Variants in AGMO observed in about 807,000 individuals in gnomAD.
AGMO encodes alkylglycerol monooxygenase.
In AGMO, 75 loss-of-function variants were observed where a neutral mutation model predicts 60.2. The ratio of observed to expected loss-of-function variants is 1.25; its 90% CI spans 1.03 to 1.51. The LOEUF (loss-of-function observed/expected upper bound fraction) is 1.51. Ranked by LOEUF, AGMO falls within the 40% of genes most tolerant of loss-of-function variation. The pLI is 0.00. For missense variants in AGMO, 763 were observed against 525.5 expected, an observed-to-expected ratio of 1.45 and a Z score of -4.42; for synonymous variants, 261 against 177.1, an observed-to-expected ratio of 1.47 and a Z score of -3.76.
intron 3 of AGMO, among the ~76,000 whole-genome samples, chr7:15,451,645 TAACTC>T (rs912157879): frequency 6.6e-6 from 1 of 152,110 alleles, no homozygotes; most frequent in African/African-American, 2.4e-5. Flanking sequence ...ACACAAAAAT[TAACTC>T]AAAATGGGTT....
chr7:15,476,507 G>GT (rs1349506153), intron 3 of AGMO, among the ~76,000 whole-genome samples: 1 of 152,082 alleles, frequency 6.6e-6, no homozygotes, highest in Non-Finnish European at 1.5e-5. Flanking sequence ...ATGGCACGAA[G>GT]TAAGTTATTA....
At chr7:15,415,308 G>A (rs1052334319) in intron 5 of AGMO, among the ~76,000 whole-genome samples, 2 of 151,870 alleles carry the variant, frequency 1.3e-5, no homozygotes, top group African/African-American at 4.8e-5. Context: ...ACTTTGGAAG[G>A]CCAACGCAGG....
chr7:15,140,594 A>T, the AGMO span, among the ~76,000 whole-genome samples: 2 of 152,086 alleles, frequency 1.3e-5, no homozygotes, highest in East Asian at 3.9e-4. Flanking sequence ...TCCTTGTGCC[A>T]TATTGTTAGT....
At chr7:15,456,904 G>T (rs1782012706) in intron 3 of AGMO, among the ~76,000 whole-genome samples, 1 of 152,096 alleles carries the variant, frequency 6.6e-6, no homozygotes, top group African/African-American at 2.4e-5. Context: ...AATGTTGTTG[G>T]GGGTTAATGC....
the AGMO span, among the ~76,000 whole-genome samples, chr7:15,120,229 T>A: frequency 3.3e-5 from 5 of 152,126 alleles, no homozygotes; most frequent in Admixed American, 2.6e-4. Flanking sequence ...CACTAGATTT[T>A]ACCCTCACCA....
chr7:15,510,424 C>T (rs1042451630), intron 3 of AGMO, among the ~76,000 whole-genome samples: 1 of 151,848 alleles, frequency 6.6e-6, no homozygotes, highest in Non-Finnish European at 1.5e-5. Context: ...ACAATCCTCT[C>T]GTCTCCACCT....
At chr7:15,297,748 T>C (rs1033819185) in intron 12 of AGMO, among the ~76,000 whole-genome samples, 13 of 152,192 alleles carry the variant, frequency 8.5e-5, no homozygotes, top group Middle Eastern at 3.2e-3. Context: ...TAAGAATATT[T>C]CCATGAAATT....
chr7:15,437,512 G>A (rs371686678), intron 3 of AGMO, among the ~76,000 whole-genome samples: 1 of 150,214 alleles, frequency 6.7e-6, no homozygotes, highest in South Asian at 2.1e-4. Flanking sequence ...GGCTTCTGAA[G>A]GAGCAACCAA....
chr7:15,440,642 CTG>C (rs1781528014), intron 3 of AGMO, among the ~76,000 whole-genome samples: 1 of 152,140 alleles, frequency 6.6e-6, no homozygotes, highest in South Asian at 2.1e-4. Flanking sequence ...AAGAAAGAAA[CTG>C]TGTTAGTTAC....
chr7:15,146,852 T>C, the AGMO span, among the ~76,000 whole-genome samples: 2 of 152,172 alleles, frequency 1.3e-5, no homozygotes, highest in African/African-American at 4.8e-5. Context: ...ATTGACAGCA[T>C]AAAAAGTAGC....
chr7:15,358,978 C>T (rs1230675293), intron 12 of AGMO, among the ~76,000 whole-genome samples: 1 of 152,052 alleles, frequency 6.6e-6, no homozygotes, highest in Admixed American at 6.6e-5. Flanking sequence ...CTATTCAATG[C>T]CATTTTTATA....
chr7:15,355,113 T>C (rs1202072409), intron 12 of AGMO, among the ~76,000 whole-genome samples: 1 of 152,078 alleles, frequency 6.6e-6, no homozygotes, highest in Non-Finnish European at 1.5e-5. Context: ...AGGGTGAATT[T>C]GGGATTAATT....
intron 5 of AGMO, among the ~76,000 whole-genome samples, chr7:15,405,340 T>A (rs1283752695): frequency 6.6e-6 from 1 of 151,884 alleles, no homozygotes. Context: ...TAATACAACA[T>A]AGTTATTATC....
intron 12 of AGMO, among the ~76,000 whole-genome samples, chr7:15,242,188 T>C (rs977314759): frequency 1.3e-5 from 2 of 152,290 alleles, no homozygotes; most frequent in Non-Finnish European, 2.9e-5. Flanking sequence ...CAGGGCATGA[T>C]ATATTATCAT....
intron 12 of AGMO, among the ~76,000 whole-genome samples, chr7:15,335,507 G>A (rs1288013549): frequency 6.6e-6 from 1 of 152,066 alleles, no homozygotes. Context: ...ATGGTGCCTA[G>A]ATTCCACCGG....
chr7:15,123,822 G>A, the AGMO span, among the ~76,000 whole-genome samples: 2 of 152,024 alleles, frequency 1.3e-5, no homozygotes. Flanking sequence ...TCATTGATGA[G>A]TTTATTTAGA....
intron 3 of AGMO, among the ~76,000 whole-genome samples, chr7:15,532,090 A>C (rs1784383558): frequency 6.6e-6 from 1 of 152,204 alleles, no homozygotes; most frequent in East Asian, 1.9e-4. Context: ...CTGTATGTTG[A>C]GTGAAGCAGA....
chr7:15,305,723 T>C (rs143762382), intron 12 of AGMO, among the ~76,000 whole-genome samples: 1,783 of 152,086 alleles, frequency 0.012, 18 homozygotes, highest in Middle Eastern at 0.024. Context: ...ACTATAGTTA[T>C]ATAAGCAACT....
the AGMO span, among the ~76,000 whole-genome samples, chr7:15,156,116 T>C: frequency 3.8e-3 from 579 of 152,198 alleles, 5 homozygotes; most frequent in African/African-American, 0.013. Context: ...TGCACACCAG[T>C]AGAGTGGCAG....
Sources: gnomAD v4.1 joint callset for allele counts (sites outside exome capture counted in the v4.1 genomes callset) on GRCh38, gnomAD v4.1.1 for gene constraint, MANE v1.5 for transcripts, NCBI Gene and HGNC (gene_info 2026-07-23, HGNC 2026-07-21) for gene names.